Variants in ROBO1 observed in about 807,000 individuals in gnomAD.
ROBO1 encodes the protein roundabout guidance receptor 1, also known as roundabout homolog 1.
ROBO1 carries 149 observed loss-of-function variants against 195.9 expected under a neutral mutation model. The ratio of observed to expected loss-of-function variants is 0.76; its 90% CI spans 0.67 to 0.87. The LOEUF is 0.87. Among genes scored for constraint, ROBO1 ranks in the 40% least tolerant of loss-of-function variants. ROBO1 has a pLI of 0.00. For missense variants in ROBO1, 1,933 were observed against 2,068.3 expected (o/e 0.93, Z 1.27); for synonymous variants, 816 against 733.2 (o/e 1.11, Z -1.82).
chr3:79,371,415 C>T (rs958888500), intron 2 of ROBO1, among the ~76,000 whole-genome samples: 6 of 151,746 alleles, frequency 4.0e-5, no homozygotes, highest in Non-Finnish European at 7.4e-5. Context: ...ATTTAGAAAC[C>T]GGTAAAAGAA....
chr3:79,270,255 A>G (rs1256818927), intron 2 of ROBO1, among the ~76,000 whole-genome samples: 1 of 149,840 alleles, frequency 6.7e-6, no homozygotes, highest in Non-Finnish European at 1.5e-5. Context: ...ATTTCATGGA[A>G]TTTGAAAGTT....
Position 79,412,300 on chromosome 3 carries a change from G to T in ROBO1, c.88+177524C>A, listed in dbSNP as rs538340736. ...AGAGATAAGCTGACAGTTTTCTCTGGTCTTTCTGCAGCTACTAGTTCCTAA... is the reference window on the plus strand; with the variant it reads ...AGAGATAAGCTGACAGTTTTCTCTGTTCTTTCTGCAGCTACTAGTTCCTAA... On this transcript the variant is annotated intron_variant, in intron 2 of 30. Coordinates refer to ENST00000464233, the MANE Select transcript of ROBO1 (RefSeq NM_002941.4). 3.9e-5 allele frequency among the ~76,000 whole-genome samples: 6 copies of T among 152,102 alleles called. 1 individual carries two copies. The highest frequency in any genetic ancestry group is 2.6e-4 in the Admixed American group (4 of 15,242).
intron 1 of ROBO1, among the ~76,000 whole-genome samples, chr3:79,710,528 T>C (rs566143808): frequency 1.3e-5 from 2 of 152,240 alleles, no homozygotes; most frequent in East Asian, 3.9e-4. Context: ...TGTGCAAGCA[T>C]TTCCCATCCA....
At chr3:79,495,777 T>G (rs946879809) in intron 2 of ROBO1, among the ~76,000 whole-genome samples, 22 of 152,338 alleles carry the variant, frequency 1.4e-4, no homozygotes, top group African/African-American at 5.0e-4. Context: ...ATATCTCAGT[T>G]TATAAATCAA....
At chr3:79,420,391 A>G (rs1193503380) in intron 2 of ROBO1, among the ~76,000 whole-genome samples, 2 of 152,172 alleles carry the variant, frequency 1.3e-5, no homozygotes, top group South Asian at 2.1e-4. Flanking sequence ...AAAGTCTTCC[A>G]TATCAAATTT....
At chr3:78,893,564 A>G (rs1027218814) in intron 4 of ROBO1, among the ~76,000 whole-genome samples, 4 of 152,200 alleles carry the variant, frequency 2.6e-5, no homozygotes, top group African/African-American at 9.6e-5. Flanking sequence ...CTGTTTATTA[A>G]TATTAATTCC....
chr3:79,732,239 G>A lies in ROBO1; in HGVS notation c.-51+35513C>T, dbSNP rs190242003. 1.9e-4 allele frequency among the ~76,000 whole-genome samples: 29 copies of A among 150,166 alleles called. 1 individual carries two copies. The highest frequency in any genetic ancestry group is 1.6e-3 in the Admixed American group (25 of 15,194). On this transcript the variant is annotated intron_variant, in intron 1 of 30. Transcript: ENST00000464233. ...TTATGGGGCTACTATCATATATGAA[G>A]TCAAGTGTTGATAAAAATATCGTTA...
chr3:79,060,239 T>C (rs577761612), intron 3 of ROBO1, among the ~76,000 whole-genome samples: 22 of 152,108 alleles, frequency 1.4e-4, no homozygotes, highest in African/African-American at 4.6e-4. Context: ...TGTTTATCAA[T>C]GACAATGTGT....
At chr3:78,947,028 C>A (rs2040484271) in intron 3 of ROBO1, among the ~76,000 whole-genome samples, 1 of 152,126 alleles carries the variant, frequency 6.6e-6, no homozygotes, top group African/African-American at 2.4e-5. Context: ...CAAAGCAAGA[C>A]CTTAGTGACC....
chr3:79,149,689 T>G (rs2080726583), intron 2 of ROBO1, among the ~76,000 whole-genome samples: 1 of 151,804 alleles, frequency 6.6e-6, no homozygotes, highest in East Asian at 1.9e-4. Flanking sequence ...TTTCAGTGTT[T>G]TGGCGAGTCT....
At chr3:79,750,720 CATG>C (rs1271894933) in intron 1 of ROBO1, among the ~76,000 whole-genome samples, 1 of 152,184 alleles carries the variant, frequency 6.6e-6, no homozygotes, top group Non-Finnish European at 1.5e-5. Context: ...TGCCTTCCAT[CATG>C]ATTGTGAGGC....
chr3:79,218,447 C>T (rs1428242727), intron 2 of ROBO1, among the ~76,000 whole-genome samples: 2 of 151,952 alleles, frequency 1.3e-5, no homozygotes, highest in Non-Finnish European at 2.9e-5. Flanking sequence ...GAAACTGGTA[C>T]TAACTACCAC....
intron 4 of ROBO1, among the ~76,000 whole-genome samples, chr3:78,813,242 GCACACACACACA>G (rs10526078): frequency 0.28 from 42,452 of 150,548 alleles, 7,309 homozygotes; most frequent in South Asian, 0.45. Context: ...AGTTTTACAT[GCACACACACACA>G]CACACACACC....
intron 4 of ROBO1, among the ~76,000 whole-genome samples, chr3:78,898,418 T>C (rs1442914059): frequency 6.9e-6 from 1 of 145,132 alleles, no homozygotes; most frequent in Admixed American, 6.9e-5. Flanking sequence ...GACGGAGTCT[T>C]GCTCTGTCGC....
At chr3:79,608,267 C>T (rs1263412651) in intron 1 of ROBO1, among the ~76,000 whole-genome samples, 1 of 151,886 alleles carries the variant, frequency 6.6e-6, no homozygotes, top group African/African-American at 2.4e-5. Context: ...CTCTTCAGCC[C>T]TTCTCTGATA....
At chr3:79,262,706 T>C (rs1378020609) in intron 2 of ROBO1, among the ~76,000 whole-genome samples, 1 of 152,078 alleles carries the variant, frequency 6.6e-6, no homozygotes, top group Non-Finnish European at 1.5e-5. Flanking sequence ...AAAATATATT[T>C]TCATTTTACT....
intron 2 of ROBO1, among the ~76,000 whole-genome samples, chr3:79,465,312 G>A (rs527510571): frequency 6.6e-6 from 1 of 152,114 alleles, no homozygotes; most frequent in East Asian, 1.9e-4. Context: ...TCTCAACTCA[G>A]AACTATCGCA....
chr3:79,306,718 T>C (rs2033239679), intron 2 of ROBO1, among the ~76,000 whole-genome samples: 1 of 152,244 alleles, frequency 6.6e-6, no homozygotes. Flanking sequence ...ATTCTCAAAA[T>C]AGGCTTCCAG....
intron 2 of ROBO1, among the ~76,000 whole-genome samples, chr3:79,500,103 C>T (rs1187776499): frequency 1.4e-5 from 2 of 144,754 alleles, no homozygotes; most frequent in African/African-American, 5.0e-5. Context: ...CCATCCCATG[C>T]GGCAGTAAGT....
Sources: allele counts gnomAD v4.1 joint callset (sites outside exome capture counted in the v4.1 genomes callset), GRCh38; gene constraint gnomAD v4.1.1; transcripts MANE v1.5; gene names NCBI Gene and HGNC (gene_info 2026-07-23, HGNC 2026-07-21).